Variants in USP5 observed in about 807,000 individuals in gnomAD.
USP5 encodes ubiquitin carboxyl-terminal hydrolase 5.
Under a neutral mutation model 102.5 loss-of-function variants are expected in USP5, and 24 were observed. The observed-to-expected ratio is 0.23, with a 90% CI of 0.17 to 0.33. USP5 has a LOEUF of 0.33. Ranked by LOEUF, USP5 falls within the 10% of genes least tolerant of loss-of-function variation. The pLI, the probability that USP5 is intolerant of heterozygous loss-of-function variation, is 1.00. For missense variants in USP5, 753 were observed against 1,122.1 expected (o/e 0.67, Z 4.70); for synonymous variants, 460 against 434.8 (o/e 1.06, Z -0.72).
intron 19 of USP5, 100 bp downstream of exon 19, chr12:6,865,348 C>G: frequency 9.3e-7 from 1 of 1,081,050 alleles, no homozygotes; most frequent in South Asian, 1.4e-5. Flanking sequence ...GGTGAAGGGA[C>G]TGCCTGATGG....
At position 6,856,191 on chromosome 12, in the gene USP5, A is replaced by T. The variant is rs373712824; in HGVS notation, c.438+41A>T. The stretch of plus-strand genomic sequence containing the variant: ...ATGCTACCCAAGATTCTAGAGCAAG[A>T]TGGGCCAGGGTAGTGGTGTCTTAGG... On this transcript the variant is annotated intron_variant, in intron 4 of 19. Coordinates refer to ENST00000229268, the MANE Select transcript of USP5 (RefSeq NM_001098536.2). The surrounding 1 kb of genome is among the most constrained non-coding windows in gnomAD (Gnocchi z 5.6). 1 of 1,613,172 alleles carries T rather than the reference A, an allele frequency of 6.2e-7. No homozygotes were observed. Among genetic ancestry groups the T allele is most frequent in the African/African-American group, 1.3e-5 (1 of 74,990 alleles).
Position 6,864,184 on chromosome 12 carries a change from C to T in USP5, c.2233C>T (p.Leu745=). The change falls in exon 17 of 20, where the codon CTG becomes TTG. Residue 745 remains leucine (L), a synonymous_variant. Transcript: ENST00000229268. The surrounding 1 kb of genome is among the most constrained non-coding windows in gnomAD (Gnocchi z 4.8). ...GFSRDQALKA[L]RATNNSLERA... Reference sequence around the variant, plus strand: ...CTCCCGGGACCAGGCCTTGAAAGCGCTGCGGGCCACGGTATGGGCTGCCCC... The same window carrying T: ...CTCCCGGGACCAGGCCTTGAAAGCGTTGCGGGCCACGGTATGGGCTGCCCC... 1 of 1,608,966 alleles carries T rather than the reference C, an allele frequency of 6.2e-7. No homozygotes were observed. Among genetic ancestry groups the T allele is most frequent in the South Asian group, 1.1e-5 (1 of 90,540 alleles).
rs1555130143 is a variant in USP5 at position 6,863,938 on chromosome 12, C to T, written c.2063C>T (p.Ala688Val). 5 of 1,607,586 alleles carry T rather than the reference C, an allele frequency of 3.1e-6. No homozygotes were observed. Among genetic ancestry groups the T allele is most frequent in the Non-Finnish European group, 4.3e-6 (5 of 1,175,704 alleles). The change falls in exon 16 of 20, where the codon GCC becomes GTC. Residue 688 changes from alanine (A) to valine (V), a missense_variant. Ala to Val is a moderately conservative substitution (Grantham distance 64, BLOSUM62 0). Around this residue, in one of 3 missense-constraint regions of USP5, gnomAD observed 193 missense variants for 230.2 expected, o/e 0.84. Coordinates refer to ENST00000229268, the MANE Select transcript of USP5 (RefSeq NM_001098536.2). This position sits in a 1 kb window ranked among gnomAD's most constrained non-coding sequence, Gnocchi z 4.7. ...YYTGNSGAEA[A>V]MNWVMSHMDD... Reference sequence around the variant, plus strand: ...ACGGGCAACAGCGGGGCTGAGGCCGCCATGAACTGGGTCATGTCACACATG... The same window carrying T: ...ACGGGCAACAGCGGGGCTGAGGCCGTCATGAACTGGGTCATGTCACACATG...
chr12:6,860,446 G>T lies in USP5; in HGVS notation c.1299G>T (p.Gln433His). The T allele has an allele frequency of 6.2e-7, 1 of 1,614,166 alleles. No homozygotes were observed. Among genetic ancestry groups the T allele is most frequent in the Non-Finnish European group, 8.5e-7 (1 of 1,180,032 alleles). ...ACCCTGAATTCTCCACCAACCGGCA[G>T]CAGGATGCCCAGGAGTTCTTCCTTC... The part of the protein sequence containing the change: ...KGHPEFSTNR[Q>H]QDAQEFFLHL... Residue 433 changes from glutamine to histidine, a missense_variant, in exon 11 of 20, where the codon CAG becomes CAT. Coordinates refer to ENST00000229268, the MANE Select transcript of USP5 (RefSeq NM_001098536.2). This position sits in a 1 kb window ranked among gnomAD's most constrained non-coding sequence, Gnocchi z 5.5.
rs115306507 is a variant in USP5 at position 6,857,601 on chromosome 12, C to A, written c.770-28C>A. On this transcript the variant is annotated intron_variant, in intron 6 of 19. Transcript: ENST00000229268. ...CCTGGCTAGTCCTGAGCCACTTCCC[C>A]TGATTCTCTTCCTGCCTCCTGCTCT... The A allele has an allele frequency of 1.1e-3, 1,688 of 1,606,214 alleles. 24 individuals are homozygous for A. The African/African-American group carries it at 0.02, about 19-fold the overall frequency.
At chr12:6,862,596 G>A (rs1241535973) in intron 14 of USP5, 38 bp downstream of exon 14, 2 of 1,590,102 alleles carry the variant, frequency 1.3e-6, no homozygotes, top group African/African-American at 2.7e-5. Context: ...CACAGAAAAT[G>A]CTAGAAAAAG....
chr12:6,864,129 C>G lies in USP5; in HGVS notation c.2178C>G (p.Asp726Glu), dbSNP rs373866739. 13 of 1,613,996 alleles carry G rather than the reference C, an allele frequency of 8.1e-6. No homozygotes were observed. In the African/African-American group the frequency reaches 1.7e-4, roughly 22 times the overall value. The change falls in exon 17 of 20, where the codon GAC becomes GAG. Residue 726 changes from aspartate (D) to glutamate (E), a missense_variant. By Grantham distance (45) the Asp-to-Glu change is conservative (BLOSUM62 2). This residue lies in a region of USP5 where 193 missense variants were observed against 230.2 expected (regional missense o/e 0.84). Transcript: ENST00000229268. This position sits in a 1 kb window ranked among gnomAD's most constrained non-coding sequence, Gnocchi z 4.8. ...TSAAADPPPE[D>E]CVTTIVSMGF... ...CAGCAGCCGACCCCCCTCCTGAGGA[C>G]TGTGTGACCACCATTGTCTCCATGG...
At chr12:6,852,479 C>T (rs978624434) in intron 1 of USP5, among the ~76,000 whole-genome samples, 189 bp downstream of exon 1, 1 of 152,280 alleles carries the variant, frequency 6.6e-6, no homozygotes, top group Non-Finnish European at 1.5e-5. Context: ...CCCCGGAAGC[C>T]GCCGCGCTCA....
chr12:6,865,931 C>G, intron 19 of USP5, 53 bp from the exon 20 acceptor site: 2 of 1,506,476 alleles, frequency 1.3e-6, no homozygotes, highest in Non-Finnish European at 1.8e-6. Flanking sequence ...CTACATGATG[C>G]CACTTTGAAT....
chr12:6,863,121 T>C lies in USP5; in HGVS notation c.1763-65T>C. 1 of 1,509,114 alleles carries C rather than the reference T, an allele frequency of 6.6e-7. No homozygotes were observed. The highest frequency in any genetic ancestry group is 8.9e-7 in the Non-Finnish European group (1 of 1,121,650). 93.5% of individuals were successfully genotyped at this position (1,509,114 alleles called of 1,614,324 possible). ...AGTTCTGACATAGGGGGCAGGGGAT[T>C]GAGGTTCCCGAATCACTTTCCAGGT... On this transcript the variant is annotated intron_variant, in intron 14 of 19. Coordinates refer to ENST00000229268, the MANE Select transcript of USP5 (RefSeq NM_001098536.2). The surrounding 1 kb of genome is among the most constrained non-coding windows in gnomAD (Gnocchi z 4.7).
At position 6,866,155 on chromosome 12, in the gene USP5, CAG is replaced by C; in HGVS notation, c.*79_*80del. On this transcript the variant is annotated 3_prime_UTR_variant, in exon 20 of 20. Transcript: ENST00000229268. The surrounding 1 kb of genome is among the most constrained non-coding windows in gnomAD (Gnocchi z 4.7). ...GGGAGAGGGGCTGAGGGATGGACTT[CAG>C]CCCCTCTGCTCTGTACCCTTTTTCC... 1.5e-6 allele frequency: 2 copies of C among 1,329,730 alleles called. No individual in the cohort carries two copies. Among genetic ancestry groups the C allele is most frequent in the South Asian group, 1.2e-5 (1 of 85,092 alleles). The allele number at this position is 1,329,730 out of a possible 1,614,324, so 82.4% of individuals were successfully genotyped here.
At chr12:6,862,680 G>T in intron 14 of USP5, 122 bp downstream of exon 14, 1 of 841,772 alleles carries the variant, frequency 1.2e-6, no homozygotes, top group Non-Finnish European at 1.9e-6. Context: ...CACCTTCAAT[G>T]TTTCAAAATT....
chr12:6,861,223 C>T lies in USP5; in HGVS notation c.1498+117C>T. The stretch of plus-strand genomic sequence containing the variant: ...ATGCCCTGCTTCACCAGCCAAGGTT[C>T]CAGTCTGGGCCACCAGGAGTAGGTA... On this transcript the variant is annotated intron_variant, in intron 12 of 19. Transcript: ENST00000229268. This position sits in a 1 kb window ranked among gnomAD's most constrained non-coding sequence, Gnocchi z 4.9. 2.0e-6 allele frequency: 3 copies of T among 1,501,542 alleles called. No individual in the cohort carries two copies. The highest frequency in any genetic ancestry group is 1.3e-5 in the South Asian group (1 of 79,770). 93.0% of individuals were successfully genotyped at this position (1,501,542 alleles called of 1,614,324 possible). A position where few individuals can be genotyped will look rare whatever the true frequency, so the allele number is the denominator to read the frequency against.
intron 13 of USP5, among the ~76,000 whole-genome samples, 162 bp from the exon 14 acceptor site, chr12:6,862,308 C>T (rs928244118): frequency 2.6e-5 from 4 of 152,034 alleles, no homozygotes; most frequent in Non-Finnish European, 4.4e-5. Context: ...CCTCGTTGGC[C>T]GAGGACAGGC....
In USP5 at chr12:6,864,123, T is replaced by C. The variant is rs2138070308; in HGVS notation, c.2172T>C (p.Pro724=). Residue 724 remains proline, a synonymous_variant, in exon 17 of 20, where the codon CCT becomes CCC. Coordinates refer to ENST00000229268, the MANE Select transcript of USP5 (RefSeq NM_001098536.2). This position sits in a 1 kb window ranked among gnomAD's most constrained non-coding sequence, Gnocchi z 4.8. The part of the protein sequence containing the change: ...GSTSAAADPP[P]EDCVTTIVSM... Reference sequence around the variant, plus strand: ...CAAGCGCAGCAGCCGACCCCCCTCCTGAGGACTGTGTGACCACCATTGTCT... The same window carrying C: ...CAAGCGCAGCAGCCGACCCCCCTCCCGAGGACTGTGTGACCACCATTGTCT... The C allele has an allele frequency of 1.2e-6, 2 of 1,614,058 alleles. No homozygotes were observed. Among genetic ancestry groups the C allele is most frequent in the Non-Finnish European group, 1.7e-6 (2 of 1,179,980 alleles).
chr12:6,866,104 G>A lies in USP5; in HGVS notation c.*27G>A. 6.2e-7 allele frequency: 1 copy of A among 1,606,762 alleles called. No homozygotes were observed. Among genetic ancestry groups the A allele is most frequent in the Non-Finnish European group, 8.5e-7 (1 of 1,173,436 alleles). On this transcript the variant is annotated 3_prime_UTR_variant, in exon 20 of 20. Transcript: ENST00000229268. The surrounding 1 kb of genome is among the most constrained non-coding windows in gnomAD (Gnocchi z 4.7). ...AGCCTGCCTCACCCCTTACCAATGA[G>A]GGCAGGGGAAGACCACCTGGCATGA...
rs1944073135 is a variant in USP5 at position 6,855,235 on chromosome 12, T to C, written c.112-166T>C. Among the ~76,000 whole-genome samples the C allele has an allele frequency of 6.6e-6, 1 of 152,240 alleles. No individual in the cohort carries two copies. Among genetic ancestry groups the C allele is most frequent in the Non-Finnish European group, 1.5e-5 (1 of 68,048 alleles). On this transcript the variant is annotated intron_variant, in intron 1 of 19. Coordinates refer to ENST00000229268, the MANE Select transcript of USP5 (RefSeq NM_001098536.2). This position sits in a 1 kb window ranked among gnomAD's most constrained non-coding sequence, Gnocchi z 4.6. ...GAGGAAATGGGGAGAATCTTAGCTA[T>C]GTCCCAGGTCCTAAAAGGCTAAATA... is the stretch of plus-strand genomic sequence containing the variant.
chr12:6,864,174 C>G lies in USP5; in HGVS notation c.2223C>G (p.Ala741=). ...CCATGGGCTTCTCCCGGGACCAGGCCTTGAAAGCGCTGCGGGCCACGGTAT... is the reference window on the plus strand; with the variant it reads ...CCATGGGCTTCTCCCGGGACCAGGCGTTGAAAGCGCTGCGGGCCACGGTAT... The part of the protein sequence containing the change: ...IVSMGFSRDQ[A]LKALRATNNS... The change falls in exon 17 of 20, where the codon GCC becomes GCG. Residue 741 remains alanine, a synonymous_variant. Coordinates refer to ENST00000229268, the MANE Select transcript of USP5 (RefSeq NM_001098536.2). The surrounding 1 kb of genome is among the most constrained non-coding windows in gnomAD (Gnocchi z 4.8). 1 of 1,611,332 alleles carries G rather than the reference C, an allele frequency of 6.2e-7. No individual in the cohort carries two copies. The highest frequency in any genetic ancestry group is 8.5e-7 in the Non-Finnish European group (1 of 1,178,528).
Position 6,861,615 on chromosome 12 carries a change from C to T in USP5, c.1671C>T (p.Val557=). ...STALQAKSVA[V]KTTRFASFPD... Reference sequence around the variant, plus strand: ...CCCTGCAGGCCAAGTCAGTAGCTGTCAAGTAAGTCCTCTGGTCGGGGCCTG... The same window carrying T: ...CCCTGCAGGCCAAGTCAGTAGCTGTTAAGTAAGTCCTCTGGTCGGGGCCTG... Residue 557 remains valine (V), a splice_region_variant and synonymous_variant, in exon 13 of 20, where the codon GTC becomes GTT. Coordinates refer to ENST00000229268, the MANE Select transcript of USP5 (RefSeq NM_001098536.2). The surrounding 1 kb of genome is among the most constrained non-coding windows in gnomAD (Gnocchi z 4.9). The T allele has an allele frequency of 6.4e-7, 1 of 1,553,032 alleles. No homozygotes were observed. The highest frequency in any genetic ancestry group is 8.7e-7 in the Non-Finnish European group (1 of 1,145,188).
Sources: allele counts gnomAD v4.1 joint callset (sites outside exome capture counted in the v4.1 genomes callset), GRCh38; gene constraint gnomAD v4.1.1; regional missense constraint gnomAD v4.1.1; non-coding constraint Gnocchi (gnomAD v3.1); transcripts MANE v1.5; gene names NCBI Gene and HGNC (gene_info 2026-07-23, HGNC 2026-07-21).